The following LCA5L variants were observed in gnomAD, a reference collection of about 807,000 sequenced individuals.
The protein encoded by LCA5L is lebercilin-like protein.
A neutral mutation model predicts 45.4 loss-of-function variants in LCA5L; 35 were observed. The observed-to-expected ratio is 0.77, with a 90% CI of 0.59 to 1.02. The LOEUF is 1.02. Ranked by LOEUF, LCA5L falls within the 50% of genes least tolerant of loss-of-function variation. The pLI is 0.00. For synonymous variants in LCA5L, 233 were observed against 264.7 expected (o/e 0.88, Z 1.16); for missense variants, 668 against 761.6 (o/e 0.88, Z 1.45).
chr21:39,417,583 C>T (rs1021495645), intron 7 of LCA5L, among the ~76,000 whole-genome samples: 1 of 152,040 alleles, frequency 6.6e-6, no homozygotes, highest in Non-Finnish European at 1.5e-5. Flanking sequence ...CTGATAAAGA[C>T]ATAACTGAGT....
Position 39,405,950 on chromosome 21 carries a change from TAG to T in LCA5L, c.1943_1944del (p.Ser648Ter). Reference protein sequence around the residue: ...QASTSHAFGDSKVTVVNSIKP... With the variant: ...QASTSHAFGDXKVTVVNSIKP... ...TTAATAGAATTTACCACAGTTACTT[TAG>T]AGTCTCCGAAAGCATGGCTGGTGGA... is the stretch of plus-strand genomic sequence containing the variant. On this transcript the variant is annotated frameshift_variant, in exon 11 of 11. Coordinates refer to ENST00000288350, the MANE Select transcript of LCA5L (RefSeq NM_152505.4). LOFTEE classifies it high-confidence loss of function. 6.2e-7 allele frequency: 1 copy of T among 1,613,904 alleles called. No homozygotes were observed. Among genetic ancestry groups the T allele is most frequent in the Non-Finnish European group, 8.5e-7 (1 of 1,179,748 alleles).
chr21:39,416,348 AT>A (rs1486554150), intron 7 of LCA5L, among the ~76,000 whole-genome samples: 1 of 152,222 alleles, frequency 6.6e-6, no homozygotes, highest in East Asian at 1.9e-4. Flanking sequence ...ATCCTCAAAT[AT>A]CCCCATCTTT....
intron 7 of LCA5L, among the ~76,000 whole-genome samples, chr21:39,416,573 TC>T (rs2041199183): frequency 6.6e-6 from 1 of 152,200 alleles, no homozygotes; most frequent in African/African-American, 2.4e-5. Context: ...TGTTCATTGC[TC>T]CTGGTTACTC....
chr21:39,430,717 G>A (rs1253085049), intron 3 of LCA5L, among the ~76,000 whole-genome samples: 1 of 152,062 alleles, frequency 6.6e-6, no homozygotes, highest in African/African-American at 2.4e-5. Context: ...CTTGCTCCGT[G>A]GGCTCTGACT....
rs945407755 is a variant in LCA5L at position 39,435,420 on chromosome 21, C to A, written c.-92G>T. The A allele has an allele frequency of 1.3e-5, 2 of 152,184 alleles. No individual in the cohort carries two copies. Among genetic ancestry groups the A allele is most frequent in the African/African-American group, 4.8e-5 (2 of 41,442 alleles). 9.4% of individuals were successfully genotyped at this position (152,184 alleles called of 1,614,324 possible). A position where few individuals can be genotyped will look rare whatever the true frequency, so the allele number is the denominator to read the frequency against. ...ATGTTTGAAAGTGATTACTGCATAC[C>A]TGGTGTTCTTTATTAAACTTCCCTA... On this transcript the variant is annotated splice_region_variant and 5_prime_UTR_variant, in exon 3 of 11. The change creates a new upstream start codon in the 5' untranslated region. Coordinates refer to ENST00000288350, the MANE Select transcript of LCA5L (RefSeq NM_152505.4).
At chr21:39,424,522 C>T (rs529940925) in intron 5 of LCA5L, among the ~76,000 whole-genome samples, 14 of 152,290 alleles carry the variant, frequency 9.2e-5, no homozygotes, top group African/African-American at 2.9e-4. Flanking sequence ...CTGAAATTTA[C>T]TAAGTGCTTA....
intron 5 of LCA5L, among the ~76,000 whole-genome samples, chr21:39,427,450 C>G (rs1435527642): frequency 6.6e-6 from 1 of 152,066 alleles, no homozygotes; most frequent in Non-Finnish European, 1.5e-5. Flanking sequence ...ATCACGAGGT[C>G]AGGAGATCGA....
chr21:39,425,668 G>T (rs978849014), intron 5 of LCA5L, among the ~76,000 whole-genome samples: 7 of 152,128 alleles, frequency 4.6e-5, no homozygotes, highest in Non-Finnish European at 1.0e-4. Flanking sequence ...TATGGATCAG[G>T]CTGGTTTAAA....
rs1486236412 is a variant in LCA5L, at chr21:39,429,177, A to C, written c.-57T>G. 6.6e-6 allele frequency: 1 copy of C among 152,210 alleles called. No homozygotes were observed. The highest frequency in any genetic ancestry group is 2.4e-5 in the African/African-American group (1 of 41,458). The allele number at this position is 152,210 out of a possible 1,614,324, so 9.4% of individuals were successfully genotyped here. On this transcript the variant is annotated 5_prime_UTR_variant, in exon 4 of 11. Coordinates refer to ENST00000288350, the MANE Select transcript of LCA5L (RefSeq NM_152505.4). ...ACAGATCCATCTTCTGAGGTCTTTA[A>C]AAGGATTTACCTTTTCATTTAATTC...
intron 5 of LCA5L, among the ~76,000 whole-genome samples, chr21:39,423,785 A>G (rs1483640584): frequency 1.3e-5 from 2 of 152,218 alleles, no homozygotes; most frequent in Non-Finnish European, 2.9e-5. Flanking sequence ...GAAGTGACAC[A>G]GAATGGATTG....
chr21:39,421,106 T>TG (rs894575243), intron 6 of LCA5L, among the ~76,000 whole-genome samples: 4 of 151,686 alleles, frequency 2.6e-5, no homozygotes, highest in African/African-American at 9.7e-5. Flanking sequence ...AATTCGTTTT[T>TG]TTTTTTTTTT....
At chr21:39,416,593 T>C (rs901255702) in intron 7 of LCA5L, among the ~76,000 whole-genome samples, 4 of 152,194 alleles carry the variant, frequency 2.6e-5, no homozygotes, top group Admixed American at 1.3e-4. Context: ...TCTGAGAATA[T>C]TGCATACTTT....
At position 39,419,225 on chromosome 21, in the gene LCA5L, C is replaced by T. The variant is rs115242940; in HGVS notation, c.975+1481G>A. On this transcript the variant is annotated intron_variant, in intron 7 of 10. Coordinates refer to ENST00000288350, the MANE Select transcript of LCA5L (RefSeq NM_152505.4). Reference sequence around the variant, plus strand: ...GAAAATCTAAATTGCCTAATTGTCACAAAAAAGTTAAAGATCAGGCTGGGT... The same window carrying T: ...GAAAATCTAAATTGCCTAATTGTCATAAAAAAGTTAAAGATCAGGCTGGGT... 9.6e-3 allele frequency among the ~76,000 whole-genome samples: 1,454 copies of T among 152,140 alleles called. 28 individuals are homozygous for T. The highest frequency in any genetic ancestry group is 0.033 in the African/African-American group (1,383 of 41,516).
intron 7 of LCA5L, among the ~76,000 whole-genome samples, chr21:39,415,442 C>A (rs1704886621): frequency 6.6e-6 from 1 of 152,174 alleles, no homozygotes; most frequent in African/African-American, 2.4e-5. Flanking sequence ...TACTAATGAA[C>A]AACTCATGTG....
intron 7 of LCA5L, among the ~76,000 whole-genome samples, chr21:39,418,312 C>T (rs1377546136): frequency 3.3e-5 from 5 of 152,048 alleles, no homozygotes; most frequent in African/African-American, 1.2e-4. Context: ...AGAGATTATT[C>T]CATAGTAGTA....
chr21:39,443,009 C>T (rs1481211880), intron 2 of LCA5L, among the ~76,000 whole-genome samples: 1 of 152,084 alleles, frequency 6.6e-6, no homozygotes, highest in African/African-American at 2.4e-5. Flanking sequence ...GCAGAAGAGT[C>T]AGGGATGGTC....
intron 5 of LCA5L, among the ~76,000 whole-genome samples, chr21:39,424,387 G>A (rs1328198200): frequency 2.6e-5 from 4 of 152,122 alleles, no homozygotes; most frequent in East Asian, 1.9e-4. Flanking sequence ...AAGCCTTGGC[G>A]GGAGGATCCC....
intron 4 of LCA5L, 95 bp from the exon 5 acceptor site, chr21:39,428,598 A>ATATATATATATTTT (rs1242243392): frequency 6.2e-5 from 2 of 32,034 alleles, no homozygotes; most frequent in African/African-American, 2.0e-4. Context: ...ATATATATAT[A>ATATATATATATTTT]TTTTTTTTTT....
At chr21:39,430,715 G>A (rs1417718520) in intron 3 of LCA5L, among the ~76,000 whole-genome samples, 3 of 152,072 alleles carry the variant, frequency 2.0e-5, no homozygotes, top group Non-Finnish European at 2.9e-5. Flanking sequence ...TGCTTGCTCC[G>A]TGGGCTCTGA....
Sources: gnomAD v4.1 joint callset for allele counts (sites outside exome capture counted in the v4.1 genomes callset) on GRCh38, gnomAD v4.1.1 for gene constraint, MANE v1.5 for transcripts, NCBI Gene and HGNC (gene_info 2026-07-23, HGNC 2026-07-21) for gene names.